Variants in GFRA2 observed in about 807,000 individuals in gnomAD.
GFRA2 encodes GDNF family receptor alpha 2, also known as GDNF family receptor alpha-2.
Under a neutral mutation model 48.3 loss-of-function variants are expected in GFRA2, and 17 were observed. The ratio of observed to expected loss-of-function variants is 0.35; its 90% CI spans 0.24 to 0.53. GFRA2 has a LOEUF of 0.53. Among genes scored for constraint, GFRA2 ranks in the 20% least tolerant of loss-of-function variants. The probability of loss-of-function intolerance (pLI) is 0.93; values close to 1 mark genes in which losing one functional copy is unlikely to be tolerated. For synonymous variants in GFRA2, 305 were observed against 257.2 expected (o/e 1.19, Z -1.78); for missense variants, 660 against 637.3 (o/e 1.04, Z -0.38).
chr8:21,750,442 C>T lies in GFRA2; in HGVS notation c.794+146G>A. On this transcript the variant is annotated intron_variant, in intron 4 of 8. Transcript: ENST00000524240. The surrounding 1 kb of genome is among the most constrained non-coding windows in gnomAD (Gnocchi z 5.7). ...ATGGAAAATTCATTTTGCACATGTC[C>T]AAGTCAGTTTTACCCTTTTTGACAC... 1 of 596,506 alleles carries T rather than the reference C, an allele frequency of 1.7e-6. No homozygotes were observed. Among genetic ancestry groups the T allele is most frequent in the Non-Finnish European group, 3.0e-6 (1 of 334,612 alleles). The allele number at this position is 596,506 out of a possible 1,614,324, so 37.0% of individuals were successfully genotyped here. A position where few individuals can be genotyped will look rare whatever the true frequency, so the allele number is the denominator to read the frequency against.
At chr8:21,781,655 A>ACC (rs112353213) in intron 2 of GFRA2, among the ~76,000 whole-genome samples, 13,194 of 151,048 alleles carry the variant, frequency 0.087, 828 homozygotes, top group East Asian at 0.2. Flanking sequence ...ATTTATCCGC[A>ACC]CCTCCCCAGA....
chr8:21,771,369 CAT>C (rs1477250368), intron 3 of GFRA2, among the ~76,000 whole-genome samples: 5 of 152,208 alleles, frequency 3.3e-5, no homozygotes, highest in Non-Finnish European at 5.9e-5. Flanking sequence ...TCTCTTCCCA[CAT>C]AGAAGGGGAG....
chr8:21,769,235 G>GGCCACAGCCCC, intron 3 of GFRA2: 1 of 940,250 alleles, frequency 1.1e-6, no homozygotes, highest in Non-Finnish European at 1.3e-6. Context: ...TCCGAAGTCT[G>GGCCACAGCCCC]GCCCCAGCCC....
At chr8:21,732,527 C>T (rs1255608988) in intron 4 of GFRA2, among the ~76,000 whole-genome samples, 1 of 152,190 alleles carries the variant, frequency 6.6e-6, no homozygotes, top group Non-Finnish European at 1.5e-5. Context: ...CATGGGTCCA[C>T]CCAGGGAAGA....
intron 7 of GFRA2, among the ~76,000 whole-genome samples, chr8:21,698,717 G>A (rs1254006450): frequency 6.6e-6 from 1 of 151,774 alleles, no homozygotes; most frequent in Non-Finnish European, 1.5e-5. Context: ...GTTGTGAAGT[G>A]TGTAACACTT....
At chr8:21,756,333 T>C (rs749119228) in intron 3 of GFRA2, among the ~76,000 whole-genome samples, 1 of 152,178 alleles carries the variant, frequency 6.6e-6, no homozygotes, top group Non-Finnish European at 1.5e-5. Context: ...AGCTCCTACC[T>C]GGTTACCAGG....
At chr8:21,793,156 A>G (rs918171205), upstream of GFRA2, among the ~76,000 whole-genome samples, 71 of 152,320 alleles carry the variant, frequency 4.7e-4, no homozygotes, top group East Asian at 9.3e-3. Flanking sequence ...AGAGGGTCCA[A>G]TTGGGGTGCT....
chr8:21,732,222 C>T (rs1038091907), intron 4 of GFRA2, among the ~76,000 whole-genome samples: 8 of 152,228 alleles, frequency 5.3e-5, no homozygotes, highest in Admixed American at 5.2e-4. Flanking sequence ...TCTTGTGTCC[C>T]TTCCAGGGGA....
At chr8:21,792,953 GC>G (rs1373986121), upstream of GFRA2, among the ~76,000 whole-genome samples, 1 of 152,188 alleles carries the variant, frequency 6.6e-6, no homozygotes, top group Non-Finnish European at 1.5e-5. Flanking sequence ...TGTAGTCCCA[GC>G]TACTCGAGTG....
At chr8:21,756,947 T>C (rs1303323231) in intron 3 of GFRA2, among the ~76,000 whole-genome samples, 1 of 152,130 alleles carries the variant, frequency 6.6e-6, no homozygotes, top group East Asian at 1.9e-4. Flanking sequence ...AGAGCAGCCT[T>C]GATGGCCAAG....
Position 21,802,402 on chromosome 8 carries a change from T to G in GFRA2, c.-36+2615A>C, listed in dbSNP as rs201094021. Among the ~76,000 whole-genome samples, 383 of 152,342 alleles carry G rather than the reference T, an allele frequency of 2.5e-3. 15 individuals carry two copies. In the East Asian group the frequency reaches 0.061, roughly 24 times the overall value. ...AAGGGTCTCATTCTGTTGTCCAGGC[T>G]GGAGTGCAGTGGCTAAATCATGGGT... is the stretch of plus-strand genomic sequence containing the variant. On this transcript the variant is annotated intron_variant, in intron 2 of 10. Transcript: ENST00000517328.
chr8:21,745,431 A>G (rs1804957417), intron 4 of GFRA2, among the ~76,000 whole-genome samples: 1 of 152,242 alleles, frequency 6.6e-6, no homozygotes, highest in African/African-American at 2.4e-5. Flanking sequence ...CAGAGTCACA[A>G]GCCCAGAGAG....
At chr8:21,696,024 C>T (rs1585218904) in intron 7 of GFRA2, among the ~76,000 whole-genome samples, 1 of 151,646 alleles carries the variant, frequency 6.6e-6, no homozygotes, top group South Asian at 2.1e-4. Flanking sequence ...ACAGAGCTCA[C>T]TAAACCATTG....
At chr8:21,761,958 T>TA (rs1231889396) in intron 3 of GFRA2, among the ~76,000 whole-genome samples, 35 of 151,108 alleles carry the variant, frequency 2.3e-4, no homozygotes, top group African/African-American at 8.0e-4. Context: ...TCTAAAAAAA[T>TA]TAAAAAAATT....
rs1416589875 is a variant in GFRA2, at chr8:21,750,537, G to T, written c.794+51C>A. 2.0e-6 allele frequency: 2 copies of T among 1,009,294 alleles called. No individual in the cohort carries two copies. Among genetic ancestry groups the T allele is most frequent in the African/African-American group, 1.6e-5 (1 of 62,334 alleles). 62.5% of individuals were successfully genotyped at this position (1,009,294 alleles called of 1,614,324 possible). A position where few individuals can be genotyped will look rare whatever the true frequency, so the allele number is the denominator to read the frequency against. On this transcript the variant is annotated intron_variant, in intron 4 of 8. Transcript: ENST00000524240. This position sits in a 1 kb window ranked among gnomAD's most constrained non-coding sequence, Gnocchi z 5.7. Reference sequence around the variant, plus strand: ...TGCAGAGAAAGGAAAACACAGCCTGGCAATGCAAGCGCCCTCCTGCCAGCA... The same window carrying T: ...TGCAGAGAAAGGAAAACACAGCCTGTCAATGCAAGCGCCCTCCTGCCAGCA...
chr8:21,736,403 C>T (rs1275276652), intron 4 of GFRA2, among the ~76,000 whole-genome samples: 1 of 152,188 alleles, frequency 6.6e-6, no homozygotes, highest in Non-Finnish European at 1.5e-5. Flanking sequence ...CTGCAAGTTA[C>T]ATTCTCCAAA....
At chr8:21,758,481 C>G (rs888747697) in intron 3 of GFRA2, among the ~76,000 whole-genome samples, 1 of 152,196 alleles carries the variant, frequency 6.6e-6, no homozygotes, top group East Asian at 1.9e-4. Flanking sequence ...AGGAAACTGC[C>G]CCTCATCCCA....
chr8:21,744,456 G>C (rs1335015611), intron 4 of GFRA2, among the ~76,000 whole-genome samples: 1 of 152,028 alleles, frequency 6.6e-6, no homozygotes, highest in East Asian at 1.9e-4. Context: ...AAGAGGAACA[G>C]GGCATTTCAG....
Position 21,710,745 on chromosome 8 carries a change from G to A in GFRA2, c.795-4704C>T, listed in dbSNP as rs71513834. 3.9e-5 allele frequency among the ~76,000 whole-genome samples: 6 copies of A among 152,342 alleles called. No homozygotes were observed. In the South Asian group the frequency reaches 1.2e-3, roughly 32 times the overall value. ...GGAGAGCTATTCATAGCAAACGGAG[G>A]GGGAGAACACAGGCCTGAGCCCGGC... On this transcript the variant is annotated intron_variant, in intron 4 of 8. Transcript: ENST00000524240.
Sources: gnomAD v4.1 joint callset for allele counts (sites outside exome capture counted in the v4.1 genomes callset) on GRCh38, gnomAD v4.1.1 for gene constraint, Gnocchi (gnomAD v3.1) non-coding constraint, MANE v1.5 for transcripts, NCBI Gene and HGNC (gene_info 2026-07-23, HGNC 2026-07-21) for gene names.